The following DMD variants were observed in gnomAD, a reference collection of about 807,000 sequenced individuals.
DMD encodes dystrophin.
DMD carries 63 observed loss-of-function variants against 330.1 expected under a neutral mutation model. That is an observed-to-expected ratio of 0.19 (90% CI 0.16 to 0.24). The LOEUF is 0.24. Among genes scored for constraint, DMD ranks in the 10% least tolerant of loss-of-function variants. The pLI, the probability that DMD is intolerant of heterozygous loss-of-function variation, is 1.00. For synonymous variants in DMD, 1,223 were observed against 959.8 expected (o/e 1.27, Z -5.07); for missense variants, 3,344 against 2,684.1 (o/e 1.25, Z -5.43).
intron 34 of DMD, 143 bp from the exon 35 acceptor site, chrX:32,365,342 A>G: frequency 3.8e-6 from 2 of 527,451 alleles, no homozygotes; most frequent in East Asian, 7.4e-5. Flanking sequence ...TGAAAACCAT[A>G]CCATATATAC....
At chrX:31,352,214 A>G (rs1176639555) in intron 60 of DMD, among the ~76,000 whole-genome samples, 1 of 106,583 alleles carries the variant, frequency 9.4e-6, no homozygotes, top group African/African-American at 3.3e-5. Context: ...ATGTGATACC[A>G]TAAGATTATA....
At chrX:31,364,252 A>G (rs2059114907) in intron 60 of DMD, among the ~76,000 whole-genome samples, 1 of 112,309 alleles carries the variant, frequency 8.9e-6, no homozygotes, top group Non-Finnish European at 1.9e-5. Flanking sequence ...ACCTGCAACA[A>G]TAATCAATCA....
At chrX:32,675,564 G>C (rs908439366) in intron 9 of DMD, among the ~76,000 whole-genome samples, 1 of 111,428 alleles carries the variant, frequency 9.0e-6, no homozygotes, top group African/African-American at 3.3e-5. Flanking sequence ...AAATCATGAA[G>C]TGTGTGCATA....
At chrX:31,215,410 G>A (rs918371337) in intron 64 of DMD, among the ~76,000 whole-genome samples, 1 of 111,101 alleles carries the variant, frequency 9.0e-6, no homozygotes, top group Admixed American at 9.6e-5. Context: ...GTGAGTGGGA[G>A]AGTCAGCCAA....
At chrX:31,202,408 G>T (rs1414168027) in intron 67 of DMD, among the ~76,000 whole-genome samples, 1 of 111,712 alleles carries the variant, frequency 9.0e-6, no homozygotes, top group Non-Finnish European at 1.9e-5. Context: ...AGGAGGAAAA[G>T]ATATTTATTT....
chrX:32,969,687 A>G (rs2092316742), intron 2 of DMD, among the ~76,000 whole-genome samples: 1 of 95,143 alleles, frequency 1.1e-5, no homozygotes, highest in Non-Finnish European at 2.0e-5. Context: ...ATATGTATGT[A>G]CATGTATGTA....
At chrX:31,989,959 C>T (rs1193601635) in intron 44 of DMD, among the ~76,000 whole-genome samples, 1 of 110,919 alleles carries the variant, frequency 9.0e-6, no homozygotes, top group Non-Finnish European at 1.9e-5. Flanking sequence ...TTGCTCCCCT[C>T]CCTCCCCTCC....
At chrX:31,767,939 A>T (rs1333866114) in intron 51 of DMD, among the ~76,000 whole-genome samples, 1 of 112,055 alleles carries the variant, frequency 8.9e-6, no homozygotes, top group Non-Finnish European at 1.9e-5. Flanking sequence ...CTGCTCATTC[A>T]ATTTTTAGAT....
intron 24 of DMD, 46 bp downstream of exon 24, chrX:32,464,540 T>C: frequency 1.0e-6 from 1 of 979,746 alleles, no homozygotes; most frequent in Admixed American, 2.2e-5. Flanking sequence ...CCAAATAATA[T>C]TCATACAAAA....
At chrX:32,650,112 G>C (rs770896201) in intron 9 of DMD, among the ~76,000 whole-genome samples, 29 of 111,563 alleles carry the variant, frequency 2.6e-4, no homozygotes, top group African/African-American at 9.4e-4. Flanking sequence ...TGTAGGTAGT[G>C]AAACCAGCAG....
rs767821523 is a variant in DMD at position 31,890,818 on chromosome X, C to T, written c.6913-15445G>A. On this transcript the variant is annotated intron_variant, in intron 47 of 78. Transcript: ENST00000357033. The stretch of plus-strand genomic sequence containing the variant: ...AACAAAACAAAACAAAAATAGAAAA[C>T]CACCACACTGAAAAGAAATCCTATT... 1.6e-3 allele frequency among the ~76,000 whole-genome samples: 173 copies of T among 111,429 alleles called. 6 individuals are homozygous for T. Among genetic ancestry groups the T allele is most frequent in the Non-Finnish European group, 8.1e-4 (43 of 53,038 alleles).
intron 47 of DMD, among the ~76,000 whole-genome samples, chrX:31,888,190 T>C (rs1395339378): frequency 1.8e-5 from 2 of 111,574 alleles, no homozygotes; most frequent in Non-Finnish European, 3.8e-5. Flanking sequence ...TTCTGTTAGT[T>C]AGCTTGATGT....
intron 7 of DMD, among the ~76,000 whole-genome samples, chrX:32,763,219 G>A (rs1471816168): frequency 9.0e-6 from 1 of 111,674 alleles, no homozygotes; most frequent in Admixed American, 9.5e-5. Context: ...TCATTCAAAA[G>A]TATTGTTTAT....
intron 2 of DMD, among the ~76,000 whole-genome samples, chrX:32,856,618 G>A (rs1569534992): frequency 8.9e-6 from 1 of 111,810 alleles, no homozygotes; most frequent in African/African-American, 3.3e-5. Context: ...TAAAGCAATT[G>A]AACTCATGGA....
At chrX:32,573,390 G>T in intron 15 of DMD, 140 bp downstream of exon 15, 1 of 520,826 alleles carries the variant, frequency 1.9e-6, no homozygotes, top group Non-Finnish European at 3.2e-6. Flanking sequence ...CAGAAAAGTA[G>T]CAATATAACA....
At chrX:33,228,643 T>C (rs1050847752) in intron 1 of DMD, among the ~76,000 whole-genome samples, 1 of 109,088 alleles carries the variant, frequency 9.2e-6, no homozygotes, top group African/African-American at 3.3e-5. Context: ...TTAGAAAAGA[T>C]AAAGTATATT....
intron 45 of DMD, among the ~76,000 whole-genome samples, chrX:31,955,003 C>CA (rs530305580): frequency 0.014 from 845 of 60,169 alleles, 7 homozygotes; most frequent in South Asian, 0.022. Context: ...CTGCCTCTAC[C>CA]AAAAAAAAAA....
At chrX:31,713,506 T>C (rs1313080050) in intron 52 of DMD, among the ~76,000 whole-genome samples, 1 of 112,115 alleles carries the variant, frequency 8.9e-6, no homozygotes, top group Admixed American at 9.5e-5. Flanking sequence ...CTTTAGAAAA[T>C]GATTAACATT....
At chrX:32,922,731 T>G (rs1263166265) in intron 2 of DMD, among the ~76,000 whole-genome samples, 1 of 112,144 alleles carries the variant, frequency 8.9e-6, no homozygotes, top group Non-Finnish European at 1.9e-5. Flanking sequence ...CACGGACCGA[T>G]TGGTCTGGGG....
Sources: allele counts gnomAD v4.1 joint callset (sites outside exome capture counted in the v4.1 genomes callset), GRCh38; gene constraint gnomAD v4.1.1; transcripts MANE v1.5; gene names NCBI Gene and HGNC (gene_info 2026-07-23, HGNC 2026-07-21).